The following POLR2F variants were observed in gnomAD, a reference collection of about 807,000 sequenced individuals.
POLR2F encodes the protein RNA polymerase II, I and III subunit F.
In POLR2F, 12 loss-of-function variants were observed where a neutral mutation model predicts 22.7. The ratio of observed to expected loss-of-function variants is 0.53; its 90% CI spans 0.34 to 0.86. POLR2F has a LOEUF of 0.86. POLR2F is among the 40% of genes least tolerant of loss of function. The pLI, the probability that POLR2F is intolerant of heterozygous loss-of-function variation, is 0.02. For missense variants in POLR2F, 126 were observed against 171.5 expected (o/e 0.73, Z 1.48); for synonymous variants, 57 against 66.0 (o/e 0.86, Z 0.66).
intron 1 of POLR2F, among the ~76,000 whole-genome samples, chr22:38,004,062 C>T (rs1032021971): frequency 4.6e-5 from 7 of 152,162 alleles, no homozygotes; most frequent in Admixed American, 6.5e-5. Context: ...TGACATAGCT[C>T]GTTGCAGCCT....
At chr22:37,953,874 C>A in intron 1 of POLR2F, 67 bp downstream of exon 1, 3 of 1,554,726 alleles carry the variant, frequency 1.9e-6, no homozygotes, top group Non-Finnish European at 2.6e-6. Flanking sequence ...AGGCTTGGGT[C>A]GGCTGAGGAG....
At position 37,959,601 on chromosome 22, in the gene POLR2F, C is replaced by T. The variant is rs1027082638; in HGVS notation, c.221+125C>T. On this transcript the variant is annotated intron_variant, in intron 3 of 4. Transcript: ENST00000442738. ...TGCTCTCACATTCCAAAAGTGGTGC[C>T]GTCCCTGCGTACCAGGCATTGAGCT... The T allele has an allele frequency of 2.1e-5, 22 of 1,067,386 alleles. No individual in the cohort carries two copies. In the Admixed American group the frequency reaches 2.8e-4, roughly 14 times the overall value. The allele number at this position is 1,067,386 out of a possible 1,614,324, so 66.1% of individuals were successfully genotyped here.
At chr22:38,005,841 T>A (rs1430198162) in intron 1 of POLR2F, among the ~76,000 whole-genome samples, 1 of 152,264 alleles carries the variant, frequency 6.6e-6, no homozygotes, top group Non-Finnish European at 1.5e-5. Context: ...CAATTTGATG[T>A]GGCTGCAATT....
chr22:37,955,203 GT>G (rs77201045), intron 1 of POLR2F, among the ~76,000 whole-genome samples: 2,818 of 131,718 alleles, frequency 0.021, 33 homozygotes, highest in South Asian at 0.033. Flanking sequence ...AGAAATAAGG[GT>G]TTTTTTTTTT....
At chr22:37,963,080 G>A (rs544217503) in intron 3 of POLR2F, among the ~76,000 whole-genome samples, 12 of 150,550 alleles carry the variant, frequency 8.0e-5, no homozygotes, top group African/African-American at 2.0e-4. Context: ...TCCGCCTCCC[G>A]GGTTCAAGTG....
intron 1 of POLR2F, among the ~76,000 whole-genome samples, chr22:38,007,333 C>T (rs2084830467): frequency 6.6e-6 from 1 of 152,222 alleles, no homozygotes; most frequent in Non-Finnish European, 1.5e-5. Context: ...AGGGCAGACC[C>T]TGAGGGGCTC....
At chr22:37,962,847 C>A (rs139872) in intron 3 of POLR2F, among the ~76,000 whole-genome samples, 96,974 of 150,870 alleles carry the variant, frequency 0.64, 31,210 homozygotes, top group East Asian at 0.75. Flanking sequence ...CCTGCCACCA[C>A]GCCCGGCTAA....
intron 1 of POLR2F, among the ~76,000 whole-genome samples, chr22:38,012,121 G>A (rs1341020866): frequency 1.4e-5 from 2 of 140,532 alleles, no homozygotes; most frequent in South Asian, 2.2e-4. Flanking sequence ...TTGCTCTGTC[G>A]CCTAGGCTGG....
chr22:37,982,561 G>A (rs1340148994), upstream of POLR2F, among the ~76,000 whole-genome samples: 6 of 152,160 alleles, frequency 3.9e-5, no homozygotes, highest in African/African-American at 7.2e-5. Flanking sequence ...CAGGAAGGAG[G>A]CCAAGGTTTC....
chr22:38,025,651 C>T, intron 1 of POLR2F: 1 of 1,564,342 alleles, frequency 6.4e-7, no homozygotes, highest in Non-Finnish European at 8.6e-7. Flanking sequence ...GCTCTTTCAG[C>T]ATCTCCTCCC....
At chr22:37,970,331 G>T (rs953652032), downstream of POLR2F, among the ~76,000 whole-genome samples, 1 of 150,426 alleles carries the variant, frequency 6.6e-6, no homozygotes, top group Non-Finnish European at 1.5e-5. Flanking sequence ...GGCCAGGTGC[G>T]GTGGCTTACG....
intron 1 of POLR2F, among the ~76,000 whole-genome samples, chr22:38,010,578 A>G (rs929862019): frequency 2.0e-5 from 3 of 151,008 alleles, no homozygotes; most frequent in African/African-American, 7.3e-5. Context: ...TATATGTAAT[A>G]AATATGTAGT....
rs1282047342 is a variant in POLR2F at position 38,016,435 on chromosome 22, G to C, written c.121-9434G>C. The stretch of plus-strand genomic sequence containing the variant: ...CCCATCCGCCACCTCCCAGAGAAGG[G>C]ACCATTGTGTCCGAAGGGTTAACGA... On this transcript the variant is annotated intron_variant, in intron 1 of 2. Transcript: ENST00000333418. The surrounding 1 kb of genome is among the most constrained non-coding windows in gnomAD (Gnocchi z 4.4). Among the ~76,000 whole-genome samples, 5 of 152,236 alleles carry C rather than the reference G, an allele frequency of 3.3e-5. No individual in the cohort carries two copies. The highest frequency in any genetic ancestry group is 1.2e-4 in the African/African-American group (5 of 41,460).
intron 2 of POLR2F, among the ~76,000 whole-genome samples, chr22:37,957,539 T>A (rs1327793226): frequency 6.6e-6 from 1 of 152,162 alleles, no homozygotes; most frequent in Non-Finnish European, 1.5e-5. Context: ...CTTGTGTGAC[T>A]GATGAGGGAA....
chr22:38,027,311 C>T (rs1166409051), downstream of POLR2F, among the ~76,000 whole-genome samples: 3 of 152,132 alleles, frequency 2.0e-5, no homozygotes, highest in African/African-American at 7.2e-5. Flanking sequence ...GTTCTTCTCA[C>T]AGGATGTGAC....
At chr22:37,964,391 A>G (rs924277370) in intron 3 of POLR2F, among the ~76,000 whole-genome samples, 2 of 152,020 alleles carry the variant, frequency 1.3e-5, no homozygotes, top group South Asian at 2.1e-4. Flanking sequence ...GTGATGAGGG[A>G]TCATAAGCAG....
At chr22:37,983,639 C>T, upstream of POLR2F, 1 of 1,600,906 alleles carries the variant, frequency 6.2e-7, no homozygotes, top group African/African-American at 1.3e-5. The surrounding 1 kb of genome is among the most constrained non-coding windows in gnomAD (Gnocchi z 9.5). Flanking sequence ...GCCCAGCTCG[C>T]CTGGCCCCGG....
rs984453434 is a variant in POLR2F, at chr22:37,997,913, T to C, written c.120+11601T>C. Among the ~76,000 whole-genome samples the C allele has an allele frequency of 8.5e-5, 13 of 152,198 alleles. No homozygotes were observed. Among genetic ancestry groups the C allele is most frequent in the Non-Finnish European group, 1.8e-4 (12 of 68,028 alleles). On this transcript the variant is annotated intron_variant, in intron 1 of 2. Transcript: ENST00000333418. This position sits in a 1 kb window ranked among gnomAD's most constrained non-coding sequence, Gnocchi z 4.4. ...TCACAGAGTCATGGACCGCAGGATT[T>C]GTACCATCTCCTGGCGCGAGAGCCA...
chr22:37,970,428 C>T (rs370000135), downstream of POLR2F, among the ~76,000 whole-genome samples: 3 of 134,930 alleles, frequency 2.2e-5, no homozygotes, highest in African/African-American at 8.3e-5. Context: ...TGGTGAAACC[C>T]TGTCTCTACT....
Sources: gnomAD v4.1 joint callset for allele counts (sites outside exome capture counted in the v4.1 genomes callset) on GRCh38, gnomAD v4.1.1 for gene constraint, Gnocchi (gnomAD v3.1) non-coding constraint, MANE v1.5 for transcripts, NCBI Gene and HGNC (gene_info 2026-07-23, HGNC 2026-07-21) for gene names.